Variants in ZNF782 observed in about 807,000 individuals in gnomAD.
ZNF782 encodes the protein zinc finger protein 782.
In ZNF782, 12 loss-of-function variants were observed where a neutral mutation model predicts 13.0. The observed-to-expected ratio is 0.92, with a 90% CI of 0.59 to 1.50. The LOEUF is 1.50. ZNF782 is among the 40% of genes most tolerant of loss of function. The pLI is 0.00. For missense variants in ZNF782, 770 were observed against 822.9 expected, an observed-to-expected ratio of 0.94 and a Z score of 0.79; for synonymous variants, 284 against 283.0, an observed-to-expected ratio of 1.00 and a Z score of -0.04.
upstream of ZNF782, among the ~76,000 whole-genome samples, chr9:96,878,287 T>A (rs532860457): frequency 1.3e-5 from 2 of 152,344 alleles, no homozygotes; most frequent in Admixed American, 6.5e-5. Flanking sequence ...TGACCTCAGG[T>A]GATCCGCCTG....
intron 4 of ZNF782, 53 bp downstream of exon 4, chr9:96,844,837 G>A (rs1588165122): frequency 1.2e-6 from 2 of 1,612,802 alleles, no homozygotes; most frequent in Non-Finnish European, 8.5e-7. Flanking sequence ...GAGAGAAAGA[G>A]AGGAGAAACA....
At chr9:96,875,752 A>C, upstream of ZNF782, 4 of 368,528 alleles carry the variant, frequency 1.1e-5, no homozygotes, top group Non-Finnish European at 2.1e-5. Context: ...CATTCTCACT[A>C]GAAGTTGACA....
At chr9:96,845,309 AC>A (rs1851313592) in intron 3 of ZNF782, among the ~76,000 whole-genome samples, 1 of 152,142 alleles carries the variant, frequency 6.6e-6, no homozygotes, top group Non-Finnish European at 1.5e-5. Context: ...ATTCCTGCAT[AC>A]GTTTCCCATG....
At chr9:96,819,856 G>T in intron 5 of ZNF782, 78 bp from the exon 6 acceptor site, 1 of 1,141,702 alleles carries the variant, frequency 8.8e-7, no homozygotes. Flanking sequence ...GTATATATAT[G>T]CCCTATTATG....
intron 3 of ZNF782, among the ~76,000 whole-genome samples, chr9:96,848,146 G>A (rs1358035923): frequency 2.0e-5 from 3 of 151,936 alleles, no homozygotes; most frequent in African/African-American, 4.8e-5. Context: ...AACAAACTAC[G>A]CATAGAGGGG....
At chr9:96,853,615 C>T (rs1167102363) in intron 1 of ZNF782, among the ~76,000 whole-genome samples, 1 of 152,226 alleles carries the variant, frequency 6.6e-6, no homozygotes, top group East Asian at 1.9e-4. Flanking sequence ...TCTGAAGACA[C>T]ACCAGAAATC....
chr9:96,860,306 G>T (rs943751386), exon 3 of ZNF782: 2 of 152,690 alleles, frequency 1.3e-5, no homozygotes, highest in Non-Finnish European at 2.9e-5. Context: ...GTTACAGTGG[G>T]GGTCTTGGGC....
chr9:96,905,443 C>T, the ZNF782 span, among the ~76,000 whole-genome samples: 15 of 151,920 alleles, frequency 9.9e-5, no homozygotes, highest in African/African-American at 1.5e-4. Context: ...GGGAACTGCC[C>T]ACCCCTTTCC....
intron 4 of ZNF782, among the ~76,000 whole-genome samples, chr9:96,834,251 C>T (rs1248373840): frequency 6.6e-6 from 1 of 152,176 alleles, no homozygotes; most frequent in African/African-American, 2.4e-5. Flanking sequence ...TGAGTTAGTT[C>T]TCACGTGAGC....
the ZNF782 span, among the ~76,000 whole-genome samples, chr9:96,918,273 T>G: frequency 6.7e-6 from 1 of 148,738 alleles, no homozygotes; most frequent in African/African-American, 2.5e-5. Context: ...AGGTGGCCTG[T>G]GCCTGTAGTC....
At chr9:96,835,586 T>G (rs965330420) in intron 4 of ZNF782, among the ~76,000 whole-genome samples, 2 of 152,186 alleles carry the variant, frequency 1.3e-5, no homozygotes, top group Non-Finnish European at 2.9e-5. Flanking sequence ...CTGCTTCAGC[T>G]GAAACAGCCA....
chr9:96,878,252 GT>G (rs1564018790), upstream of ZNF782, among the ~76,000 whole-genome samples: 1 of 152,208 alleles, frequency 6.6e-6, no homozygotes, highest in Non-Finnish European at 1.5e-5. Context: ...GTTTCACCAT[GT>G]TGGCCAGTCT....
the ZNF782 span, chr9:96,931,671 G>C: frequency 1.1e-4 from 182 of 1,605,634 alleles, no homozygotes; most frequent in Non-Finnish European, 1.5e-4. Context: ...CCAGTGACTA[G>C]AGTGGACCTG....
rs116626960 is a variant in ZNF782 at position 96,873,614 on chromosome 9, C to T, written c.-457+1854G>A. Among the ~76,000 whole-genome samples the T allele has an allele frequency of 5.2e-3, 785 of 152,322 alleles. 8 individuals carry two copies. The highest frequency in any genetic ancestry group is 0.018 in the African/African-American group (742 of 41,566). ...CCTTGGGAGGCTGATTCATGAAAGT[C>T]GCTTGAGCCTGGGAGGCAGACGTTG... On this transcript the variant is annotated intron_variant, in intron 1 of 5. Transcript: ENST00000498811.
Position 96,827,176 on chromosome 9 carries a change from A to G in ZNF782, c.148T>C (p.Cys50Arg), listed in dbSNP as rs150015408. ...NYSHLVSVGY[C>R]FTKPELIFTL... ...AAGATCAGTTCTGGTTTTGTAAAGCAGTAGCCTATAAATGGGAAACAATTT... is the reference window on the plus strand; with the variant it reads ...AAGATCAGTTCTGGTTTTGTAAAGCGGTAGCCTATAAATGGGAAACAATTT... The change falls in exon 5 of 6, where the codon TGC becomes CGC. Residue 50 changes from cysteine to arginine, a missense_variant. Cys to Arg is a radical substitution (Grantham distance 180). Coordinates refer to ENST00000481138, the MANE Select transcript of ZNF782 (RefSeq NM_001001662.3). 2.9e-5 allele frequency: 47 copies of G among 1,606,890 alleles called. No homozygotes were observed. In the South Asian group the frequency reaches 4.9e-4, roughly 17 times the overall value.
intron 4 of ZNF782, among the ~76,000 whole-genome samples, chr9:96,837,599 T>A (rs565219120): frequency 6.6e-6 from 1 of 152,238 alleles, no homozygotes; most frequent in Admixed American, 6.5e-5. Flanking sequence ...TTCTTTAGTT[T>A]CTTAAGACGT....
At chr9:96,873,595 G>A (rs1443320500) in intron 1 of ZNF782, among the ~76,000 whole-genome samples, 1 of 152,224 alleles carries the variant, frequency 6.6e-6, no homozygotes, top group Non-Finnish European at 1.5e-5. Context: ...AGCTCCTTGG[G>A]AGGCTGATTC....
chr9:96,833,861 C>T (rs890129382), intron 4 of ZNF782, among the ~76,000 whole-genome samples: 1 of 152,080 alleles, frequency 6.6e-6, no homozygotes, highest in Non-Finnish European at 1.5e-5. Flanking sequence ...GTTTTTCATA[C>T]TTTGGGTTAT....
chr9:96,826,535 A>G (rs1449543400), intron 5 of ZNF782, among the ~76,000 whole-genome samples: 5 of 152,184 alleles, frequency 3.3e-5, no homozygotes, highest in Non-Finnish European at 7.3e-5. Flanking sequence ...GTACCCTAAA[A>G]CTTAAAGTAT....
Sources: allele counts gnomAD v4.1 joint callset (sites outside exome capture counted in the v4.1 genomes callset), GRCh38; gene constraint gnomAD v4.1.1; transcripts MANE v1.5; gene names NCBI Gene and HGNC (gene_info 2026-07-23, HGNC 2026-07-21).